CD300A: variants seen among roughly 807,000 people sequenced by gnomAD.
CD300A encodes the protein CD300a molecule, also known as CMRF35-like molecule 8.
CD300A carries 22 observed loss-of-function variants against 33.6 expected under a neutral mutation model. That is an observed-to-expected ratio of 0.66 (90% CI 0.47 to 0.94). The LOEUF (loss-of-function observed/expected upper bound fraction) is 0.94, where lower values mean the gene tolerates loss of function less well. CD300A is among the 40% of genes least tolerant of loss of function. The pLI, the probability that CD300A is intolerant of heterozygous loss-of-function variation, is 0.00. For missense variants in CD300A, 326 were observed against 360.5 expected (o/e 0.90, Z 0.77); for synonymous variants, 136 against 148.1 (o/e 0.92, Z 0.59).
At position 74,475,577 on chromosome 17, in the gene CD300A, T is replaced by G. The variant is rs563862551; in HGVS notation, c.533+892T>G. On this transcript the variant is annotated intron_variant, in intron 3 of 6. Coordinates refer to ENST00000360141, the MANE Select transcript of CD300A (RefSeq NM_007261.4). The stretch of plus-strand genomic sequence containing the variant: ...CATAGAATCTGACATCTATGGACAC[T>G]CTCCCCAGAAAAACACATGCAGTCA... Among the ~76,000 whole-genome samples the G allele has an allele frequency of 1.9e-4, 29 of 152,216 alleles. No individual in the cohort carries two copies. The South Asian group carries it at 5.6e-3, about 29-fold the overall frequency.
intron 4 of CD300A, among the ~76,000 whole-genome samples, chr17:74,479,683 C>T (rs1193424399): frequency 1.3e-5 from 2 of 152,114 alleles, no homozygotes; most frequent in African/African-American, 2.4e-5. Flanking sequence ...CTTCCTGTAA[C>T]CCATCCTCAG....
chr17:74,474,718 G>T, intron 3 of CD300A, 33 bp downstream of exon 3: 11 of 1,610,228 alleles, frequency 6.8e-6, no homozygotes, highest in Non-Finnish European at 9.3e-6. Context: ...CATGGAGGGG[G>T]CCCTGTGCTA....
intron 1 of CD300A, among the ~76,000 whole-genome samples, chr17:74,472,400 G>A (rs1313387686): frequency 6.6e-6 from 1 of 152,182 alleles, no homozygotes; most frequent in Admixed American, 6.5e-5. Context: ...CCTGGGGCAG[G>A]GGCCATGTGT....
chr17:74,471,668 A>G (rs1041282559), intron 1 of CD300A, among the ~76,000 whole-genome samples: 3 of 152,174 alleles, frequency 2.0e-5, no homozygotes, highest in South Asian at 4.1e-4. Context: ...AGGAAGCATC[A>G]CACCTGTGAC....
At chr17:74,479,961 C>T (rs929244275) in intron 4 of CD300A, among the ~76,000 whole-genome samples, 1 of 152,182 alleles carries the variant, frequency 6.6e-6, no homozygotes, top group African/African-American at 2.4e-5. Context: ...CTGGGGTAGA[C>T]TGGGTCTTAC....
At chr17:74,478,902 TTG>T (rs1376983151) in intron 4 of CD300A, among the ~76,000 whole-genome samples, 1 of 152,196 alleles carries the variant, frequency 6.6e-6, no homozygotes, top group Non-Finnish European at 1.5e-5. Flanking sequence ...CCCATCTGCT[TTG>T]TGTGTGTCAT....
Position 74,466,686 on chromosome 17 carries a change from T to C in CD300A, c.-18T>C. ...GCCTGGAGCTGCTGCAAGTGCCGCCTGTGCTGGGGAAGGGACCATGTGGCT... is the reference window on the plus strand; with the variant it reads ...GCCTGGAGCTGCTGCAAGTGCCGCCCGTGCTGGGGAAGGGACCATGTGGCT... On this transcript the variant is annotated 5_prime_UTR_variant, in exon 1 of 7. Coordinates refer to ENST00000360141, the MANE Select transcript of CD300A (RefSeq NM_007261.4). The C allele has an allele frequency of 3.8e-6, 6 of 1,591,636 alleles. No individual in the cohort carries two copies. Among genetic ancestry groups the C allele is most frequent in the Non-Finnish European group, 4.3e-6 (5 of 1,168,548 alleles).
intron 2 of CD300A, 28 bp from the exon 3 acceptor site, chr17:74,474,504 T>C: frequency 6.2e-7 from 1 of 1,611,850 alleles, no homozygotes; most frequent in South Asian, 1.1e-5. Flanking sequence ...GACAGCTCCC[T>C]GGGTCTGACT....
At position 74,472,713 on chromosome 17, in the gene CD300A, G is replaced by A. The variant is rs571554144; in HGVS notation, c.41-823G>A. On this transcript the variant is annotated intron_variant, in intron 1 of 6. Coordinates refer to ENST00000360141, the MANE Select transcript of CD300A (RefSeq NM_007261.4). ...TAACCTCCGCCTCCAGGGTTGAAGC[G>A]ATTCTTGTGCCTCAGCCTCCCCAGT... 2.5e-4 allele frequency among the ~76,000 whole-genome samples: 38 copies of A among 151,764 alleles called. No individual in the cohort carries two copies. The East Asian group carries it at 7.0e-3, about 28-fold the overall frequency.
At chr17:74,469,717 C>T (rs1450053704) in intron 1 of CD300A, among the ~76,000 whole-genome samples, 3 of 152,022 alleles carry the variant, frequency 2.0e-5, no homozygotes, top group South Asian at 2.1e-4. Flanking sequence ...CCCAGCCACT[C>T]GGGAGGCTGA....
chr17:74,467,990 A>C (rs1905836309), intron 1 of CD300A, among the ~76,000 whole-genome samples: 1 of 150,038 alleles, frequency 6.7e-6, no homozygotes, highest in Admixed American at 6.7e-5. Flanking sequence ...ACCAATGACT[A>C]TTCACAAAGC....
At chr17:74,466,616 A>T, upstream of CD300A, 1 of 1,413,746 alleles carries the variant, frequency 7.1e-7, no homozygotes, top group Non-Finnish European at 9.8e-7. Flanking sequence ...GAAAAGCAGA[A>T]GTCGGGGCCT....
chr17:74,480,571 C>T lies in CD300A; in HGVS notation c.629-718C>T, dbSNP rs750728021. On this transcript the variant is annotated intron_variant, in intron 4 of 6. Coordinates refer to ENST00000360141, the MANE Select transcript of CD300A (RefSeq NM_007261.4). This position sits in a 1 kb window ranked among gnomAD's most constrained non-coding sequence, Gnocchi z 4.2. ...TGTCTGGGAGGGCAGACCTCAGGCA[C>T]GGGGATGGGAGCAGAGGCCCCAGCA... 6.6e-6 allele frequency among the ~76,000 whole-genome samples: 1 copy of T among 152,106 alleles called. No homozygotes were observed. The highest frequency in any genetic ancestry group is 1.5e-5 in the Non-Finnish European group (1 of 68,002).
chr17:74,469,355 CG>C (rs1312453071), intron 1 of CD300A, among the ~76,000 whole-genome samples: 1 of 150,612 alleles, frequency 6.6e-6, no homozygotes, highest in Non-Finnish European at 1.5e-5. Flanking sequence ...AGCAAGACCC[CG>C]TCTCTTAAAA....
intron 1 of CD300A, chr17:74,467,001 C>G (rs1457692029): frequency 2.2e-6 from 3 of 1,373,118 alleles, no homozygotes; most frequent in Non-Finnish European, 2.8e-6. Flanking sequence ...GGGGTGGGTG[C>G]AGAAAAGGGA....
rs769336658 is a variant in CD300A, at chr17:74,484,090, A to G, written c.864A>G (p.Glu288=). 2 of 1,613,890 alleles carry G rather than the reference A, an allele frequency of 1.2e-6. No individual in the cohort carries two copies. The highest frequency in any genetic ancestry group is 8.5e-7 in the Non-Finnish European group (1 of 1,179,886). Residue 288 remains glutamate, a synonymous_variant, in exon 7 of 7, where the codon GAA becomes GAG. Coordinates refer to ENST00000360141, the MANE Select transcript of CD300A (RefSeq NM_007261.4). ...CTGCTCAGAGGCCTCGGGAGGAGGA[A>G]CCAGATTCAGATTACAGTGTGATAA... ...RIAAQRPREE[E]PDSDYSVIRK...
intron 4 of CD300A, among the ~76,000 whole-genome samples, chr17:74,477,927 G>C (rs1046606532): frequency 2.6e-5 from 4 of 152,106 alleles, no homozygotes; most frequent in African/African-American, 9.7e-5. Flanking sequence ...ACACAACAAG[G>C]CTCCCGTGTC....
intron 1 of CD300A, among the ~76,000 whole-genome samples, chr17:74,470,679 C>A (rs1314979716): frequency 2.0e-5 from 3 of 152,102 alleles, no homozygotes; most frequent in Non-Finnish European, 4.4e-5. Context: ...GATAGAGTCT[C>A]ACTCTGTCGC....
intron 4 of CD300A, among the ~76,000 whole-genome samples, chr17:74,479,039 C>G (rs1019095082): frequency 2.0e-5 from 3 of 151,998 alleles, no homozygotes; most frequent in African/African-American, 7.3e-5. Context: ...CTCAAAGAGC[C>G]TCCTCCCCCC....
Sources: gnomAD v4.1 joint callset for allele counts (sites outside exome capture counted in the v4.1 genomes callset) on GRCh38, gnomAD v4.1.1 for gene constraint, Gnocchi (gnomAD v3.1) non-coding constraint, MANE v1.5 for transcripts, NCBI Gene and HGNC (gene_info 2026-07-23, HGNC 2026-07-21) for gene names.